Variants in COX6B2 observed in about 807,000 individuals in gnomAD.
COX6B2 encodes the protein cytochrome c oxidase subunit 6B2, also known as COX VIb-2.
In COX6B2, 12 loss-of-function variants were observed where a neutral mutation model predicts 13.7. The observed-to-expected ratio is 0.87, with a 90% CI of 0.56 to 1.41. The LOEUF (loss-of-function observed/expected upper bound fraction) is 1.41, where lower values mean the gene tolerates loss of function less well. Among genes scored for constraint, COX6B2 ranks in the 40% most tolerant of loss-of-function variants. COX6B2 has a pLI of 0.00. For missense variants in COX6B2, 130 were observed against 118.3 expected, an observed-to-expected ratio of 1.10 and a Z score of -0.46; for synonymous variants, 56 against 46.6, an observed-to-expected ratio of 1.20 and a Z score of -0.82.
Position 55,350,204 on chromosome 19 carries a change from C to G in COX6B2, c.*711G>C, listed in dbSNP as rs560323621. 1.3e-5 allele frequency: 2 copies of G among 152,272 alleles called. No individual in the cohort carries two copies. The highest frequency in any genetic ancestry group is 2.9e-5 in the Non-Finnish European group (2 of 68,068). 9.4% of individuals were successfully genotyped at this position (152,272 alleles called of 1,614,324 possible). On this transcript the variant is annotated 3_prime_UTR_variant, in exon 5 of 5. Transcript: ENST00000326529. The surrounding 1 kb of genome is among the most constrained non-coding windows in gnomAD (Gnocchi z 4.2). ...TCAGGGTTTCCTGGCCTCCGCACTG[C>G]TGCCATGCTGAGCTGGTGTTTCTAG...
chr19:55,353,975 G>A lies in COX6B2; in HGVS notation c.113-9C>T, dbSNP rs1250979778. ...GAGGCAGCGGTGGTAGTCTGTGGCG[G>A]GCGGGGGTCACGCGGCAAGCCACGC... On this transcript the variant is annotated splice_polypyrimidine_tract_variant and intron_variant, in intron 2 of 4. Coordinates refer to ENST00000326529, the MANE Select transcript of COX6B2 (RefSeq NM_144613.5). 3 of 1,540,060 alleles carry A rather than the reference G, an allele frequency of 1.9e-6. No individual in the cohort carries two copies. In the African/African-American group the frequency reaches 4.1e-5, roughly 21 times the overall value.
At chr19:55,351,455 G>A (rs1031583549) in intron 4 of COX6B2, among the ~76,000 whole-genome samples, 1 of 152,172 alleles carries the variant, frequency 6.6e-6, no homozygotes, top group South Asian at 2.1e-4. Context: ...AGCAGGGGAG[G>A]CAGCGCAGGT....
chr19:55,351,500 A>C (rs1052450628), intron 4 of COX6B2, among the ~76,000 whole-genome samples: 4 of 152,028 alleles, frequency 2.6e-5, no homozygotes, highest in African/African-American at 9.7e-5. Context: ...GGCCGGGAGG[A>C]CGGAGCAGGT....
rs200588806 is a variant in COX6B2, at chr19:55,354,360, G to A, written c.112+50C>T. On this transcript the variant is annotated intron_variant, in intron 2 of 4. Transcript: ENST00000326529. Reference sequence around the variant, plus strand: ...TAGGGTGGGAGTGCCCCTCCCTGCCGTCCCTTGTCACACCCTGCTCCTCCC... The same window carrying A: ...TAGGGTGGGAGTGCCCCTCCCTGCCATCCCTTGTCACACCCTGCTCCTCCC... The A allele has an allele frequency of 1.5e-4, 211 of 1,433,918 alleles. No homozygotes were observed. The East Asian group carries it at 5.1e-3, about 34-fold the overall frequency. The allele number at this position is 1,433,918 out of a possible 1,614,324, so 88.8% of individuals were successfully genotyped here. A position where few individuals can be genotyped will look rare whatever the true frequency, so the allele number is the denominator to read the frequency against.
intron 4 of COX6B2, among the ~76,000 whole-genome samples, chr19:55,351,453 A>C (rs2089669732): frequency 6.6e-6 from 1 of 152,092 alleles, no homozygotes; most frequent in South Asian, 2.1e-4. Context: ...TGAGCAGGGG[A>C]GGCAGCGCAG....
At chr19:55,353,395 T>C in intron 4 of COX6B2, 2 of 451,126 alleles carry the variant, frequency 4.4e-6, no homozygotes, top group Middle Eastern at 6.3e-4. Context: ...ATCTACCTGC[T>C]GGAATGGAGA....
At chr19:55,353,535 A>T (rs2089684009) in intron 4 of COX6B2, 72 bp downstream of exon 4, 1 of 641,548 alleles carries the variant, frequency 1.6e-6, no homozygotes. Flanking sequence ...ACACAGGCAC[A>T]CGGAGGATCC....
At chr19:55,354,217 T>A in intron 2 of COX6B2, 193 bp downstream of exon 2, 1 of 598,614 alleles carries the variant, frequency 1.7e-6, no homozygotes, top group Non-Finnish European at 2.9e-6. Context: ...AGATCAGGCC[T>A]CGCCCCTACC....
Position 55,353,752 on chromosome 19 carries a change from A to G in COX6B2, c.236T>C (p.Ile79Thr), listed in dbSNP as rs908846239. ...TTTGCCGGCGAAAATCCCGTTCTTGATCTGCTCGTTCCAGCTCTCCACCTG... is the reference window on the plus strand; with the variant it reads ...TTTGCCGGCGAAAATCCCGTTCTTGGTCTGCTCGTTCCAGCTCTCCACCTG... Reference protein sequence around the residue: ...ISWVESWNEQIKNGIFAGKI With the variant: ...ISWVESWNEQTKNGIFAGKI Residue 79 changes from isoleucine to threonine, a missense_variant, in exon 4 of 5, where the codon ATC becomes ACC. By Grantham distance (89) the Ile-to-Thr change is moderately conservative. Transcript: ENST00000326529. 5 of 1,610,478 alleles carry G rather than the reference A, an allele frequency of 3.1e-6. No homozygotes were observed. The highest frequency in any genetic ancestry group is 4.2e-6 in the Non-Finnish European group (5 of 1,178,414).
chr19:55,354,111 G>A (rs2089690558), intron 2 of COX6B2, 145 bp from the exon 3 acceptor site: 2 of 730,700 alleles, frequency 2.7e-6, no homozygotes, highest in African/African-American at 1.8e-5. Context: ...TCCCAGCCAG[G>A]CCCCGACCCC....
At chr19:55,354,230 C>T (rs1342263293) in intron 2 of COX6B2, 180 bp downstream of exon 2, 2 of 643,946 alleles carry the variant, frequency 3.1e-6, no homozygotes, top group Non-Finnish European at 5.4e-6. Context: ...CCCCTACCAA[C>T]CTCGCCCCGC....
chr19:55,353,931 C>G lies in COX6B2; in HGVS notation c.148G>C (p.Gly50Arg). Reference sequence around the variant, plus strand: ...TACTCGCAGGGCTGCGTGCTCTTCCCGCGGCGGGTCCTGGTCTTGAGGCAG... The same window carrying G: ...TACTCGCAGGGCTGCGTGCTCTTCCGGCGGCGGGTCCTGGTCTTGAGGCAG... ...HRCLKTRTRR[G>R]KSTQPCEYYF... is the part of the protein sequence containing the mutation. The change falls in exon 3 of 5, where the codon GGG becomes CGG. Residue 50 changes from glycine (G) to arginine (R), a missense_variant. Gly to Arg is a moderately radical substitution (Grantham distance 125). Transcript: ENST00000326529. 6.4e-7 allele frequency: 1 copy of G among 1,560,902 alleles called. No individual in the cohort carries two copies. The highest frequency in any genetic ancestry group is 8.7e-7 in the Non-Finnish European group (1 of 1,154,918).
rs572483731 is a variant in COX6B2 at position 55,352,823 on chromosome 19, T to C, written c.*114+784A>G. On this transcript the variant is annotated intron_variant, in intron 4 of 4. Coordinates refer to ENST00000326529, the MANE Select transcript of COX6B2 (RefSeq NM_144613.5). The surrounding 1 kb of genome is among the most constrained non-coding windows in gnomAD (Gnocchi z 6.2). ...GGGATGGGGAAGGAGTAAAGAATGA[T>C]TCCGAGGGAGCTCTGAGCGTCCTCT... The C allele has an allele frequency of 6.6e-6, 1 of 152,398 alleles. No individual in the cohort carries two copies. Among genetic ancestry groups the C allele is most frequent in the South Asian group, 2.1e-4 (1 of 4,818 alleles). The allele number at this position is 152,398 out of a possible 1,614,324, so 9.4% of individuals were successfully genotyped here.
intron 2 of COX6B2, 82 bp from the exon 3 acceptor site, chr19:55,354,048 T>A: frequency 2.4e-6 from 3 of 1,250,514 alleles, no homozygotes; most frequent in Non-Finnish European, 3.4e-6. Context: ...CCCTCCCAGT[T>A]CTTCGCTGCT....
chr19:55,350,779 C>T lies in COX6B2; in HGVS notation c.*136G>A, dbSNP rs1162919532. The T allele has an allele frequency of 6.6e-6, 1 of 152,450 alleles. No individual in the cohort carries two copies. Among genetic ancestry groups the T allele is most frequent in the African/African-American group, 2.4e-5 (1 of 41,452 alleles). 9.4% of individuals were successfully genotyped at this position (152,450 alleles called of 1,614,324 possible). On this transcript the variant is annotated 3_prime_UTR_variant, in exon 5 of 5. Coordinates refer to ENST00000326529, the MANE Select transcript of COX6B2 (RefSeq NM_144613.5). This position sits in a 1 kb window ranked among gnomAD's most constrained non-coding sequence, Gnocchi z 4.2. ...CACGTGGAGACCAGAGCAAGGGAAA[C>T]AAGGAACTCGAAGGCTGGTGGCTGT...
At chr19:55,353,073 G>C (rs1308458211) in intron 4 of COX6B2, 2 of 155,822 alleles carry the variant, frequency 1.3e-5, no homozygotes, top group African/African-American at 4.8e-5. Flanking sequence ...TCGATGTTCT[G>C]GGAGGGGAAA....
At position 55,354,552 on chromosome 19, in the gene COX6B2, A is replaced by G; in HGVS notation, c.-18-13T>C. 1 of 1,522,374 alleles carries G rather than the reference A, an allele frequency of 6.6e-7. No homozygotes were observed. Among genetic ancestry groups the G allele is most frequent in the Non-Finnish European group, 9.0e-7 (1 of 1,105,472 alleles). The allele number at this position is 1,522,374 out of a possible 1,614,324, so 94.3% of individuals were successfully genotyped here. A position where few individuals can be genotyped will look rare whatever the true frequency, so the allele number is the denominator to read the frequency against. On this transcript the variant is annotated splice_polypyrimidine_tract_variant and intron_variant, in intron 1 of 4. Transcript: ENST00000326529. Reference sequence around the variant, plus strand: ...AAGGAGGCAACTCCTGCGAGACGGGACGGGACGGGGACTCCGTGGGGCCGA... The same window carrying G: ...AAGGAGGCAACTCCTGCGAGACGGGGCGGGACGGGGACTCCGTGGGGCCGA...
chr19:55,354,662 G>T lies in COX6B2; in HGVS notation c.-31C>A, dbSNP rs2089697200. On this transcript the variant is annotated 5_prime_UTR_variant, in exon 1 of 5. Coordinates refer to ENST00000326529, the MANE Select transcript of COX6B2 (RefSeq NM_144613.5). ...GTCGTGCCCTCACCAGCCTGACGTTGGCGGCCACTGGATCTGCTGTGGGAT... is the reference window on the plus strand; with the variant it reads ...GTCGTGCCCTCACCAGCCTGACGTTTGCGGCCACTGGATCTGCTGTGGGAT... 2 of 626,928 alleles carry T rather than the reference G, an allele frequency of 3.2e-6. No individual in the cohort carries two copies. The allele number at this position is 626,928 out of a possible 1,614,324, so 38.8% of individuals were successfully genotyped here.
In COX6B2 at chr19:55,353,603, ATACCAT is replaced by A. The variant is rs2089684622; in HGVS notation, c.*112_*114+3del. The A allele has an allele frequency of 2.2e-6, 2 of 918,502 alleles. No individual in the cohort carries two copies. Among genetic ancestry groups the A allele is most frequent in the Non-Finnish European group, 3.3e-6 (2 of 600,652 alleles). 56.9% of individuals were successfully genotyped at this position (918,502 alleles called of 1,614,324 possible). On this transcript the variant is annotated splice_donor_variant and splice_donor_region_variant and 3_prime_UTR_variant and intron_variant, in exon 4 of 5. Transcript: ENST00000326529. LOFTEE classifies it low-confidence loss of function (3UTR_SPLICE). ...ATTAAGAAGAAACATCAGCAACAGCATACCATTATTCGTGGCTTAGACACTGGGAGG... is the reference window on the plus strand; with the variant it reads ...ATTAAGAAGAAACATCAGCAACAGCATATTCGTGGCTTAGACACTGGGAGG...
Sources: gnomAD v4.1 joint callset for allele counts (sites outside exome capture counted in the v4.1 genomes callset) on GRCh38, gnomAD v4.1.1 for gene constraint, Gnocchi (gnomAD v3.1) non-coding constraint, MANE v1.5 for transcripts, NCBI Gene and HGNC (gene_info 2026-07-23, HGNC 2026-07-21) for gene names.